Variants in AFF3 observed in about 807,000 individuals in gnomAD.
The protein encoded by AFF3 is ALF transcription elongation factor 3.
A neutral mutation model predicts 129.7 loss-of-function variants in AFF3; 32 were observed. That is an observed-to-expected ratio of 0.25 (90% confidence interval 0.19 to 0.33). AFF3 has a LOEUF of 0.33. Ranked by LOEUF, AFF3 falls within the 10% of genes least tolerant of loss-of-function variation. The pLI is 1.00. For missense variants in AFF3, 1,373 were observed against 1,592.0 expected, an observed-to-expected ratio of 0.86 and a Z score of 2.34; for synonymous variants, 644 against 635.4, an observed-to-expected ratio of 1.01 and a Z score of -0.20.
rs200784821 is a variant in AFF3, at chr2:99,991,914, C to CA, written c.873+14717dup. Among the ~76,000 whole-genome samples the CA allele has an allele frequency of 1.7e-3, 236 of 140,082 alleles. 3 individuals carry two copies. Among genetic ancestry groups the CA allele is most frequent in the African/African-American group, 5.9e-3 (211 of 35,492 alleles). The allele number at this position is 140,082 out of a possible 152,430, so 91.9% of individuals were successfully genotyped here. A position where few individuals can be genotyped will look rare whatever the true frequency, so the allele number is the denominator to read the frequency against. ...CAAGATTTTGTCTCAAAAACAAAAACAAAAACAAAAAAACCCAAAAAACCT... is the reference window on the plus strand; with the variant it reads ...CAAGATTTTGTCTCAAAAACAAAAACAAAAAACAAAAAAACCCAAAAAACCT... On this transcript the variant is annotated intron_variant, in intron 7 of 24. Coordinates refer to ENST00000672756, the MANE Select transcript of AFF3 (RefSeq NM_001386135.1).
chr2:99,958,003 C>A (rs62149268), intron 7 of AFF3, among the ~76,000 whole-genome samples: 14,165 of 152,156 alleles, frequency 0.093, 906 homozygotes, highest in Non-Finnish European at 0.13. Flanking sequence ...GGCAGTTTTA[C>A]CCCTAGAATG....
At chr2:99,942,319 A>G (rs1298703840) in intron 7 of AFF3, among the ~76,000 whole-genome samples, 1 of 152,150 alleles carries the variant, frequency 6.6e-6, no homozygotes, top group Non-Finnish European at 1.5e-5. Flanking sequence ...GCAGTCTCCA[A>G]GGGCTACGTT....
At chr2:100,046,412 G>A (rs779358578) in intron 4 of AFF3, among the ~76,000 whole-genome samples, 10 of 152,140 alleles carry the variant, frequency 6.6e-5, no homozygotes, top group Non-Finnish European at 1.2e-4. Flanking sequence ...TAAGTGGTAG[G>A]TGTGAGGCTG....
In AFF3 at chr2:99,898,860, C is replaced by A. The variant is rs1361519253; in HGVS notation, c.874-61336G>T. On this transcript the variant is annotated intron_variant, in intron 7 of 24. Coordinates refer to ENST00000672756, the MANE Select transcript of AFF3 (RefSeq NM_001386135.1). The stretch of plus-strand genomic sequence containing the variant: ...ACTGCCTGGGGCTCTCTCGCTTTGG[C>A]CAACGCTGACTCCCACTTTGCCCTG... 5.3e-5 allele frequency among the ~76,000 whole-genome samples: 8 copies of A among 152,198 alleles called. 1 individual carries two copies. Among genetic ancestry groups the A allele is most frequent in the Admixed American group, 5.2e-4 (8 of 15,280 alleles).
At chr2:100,036,837 A>G (rs1430319550) in intron 4 of AFF3, among the ~76,000 whole-genome samples, 2 of 146,800 alleles carry the variant, frequency 1.4e-5, no homozygotes, top group African/African-American at 4.9e-5. Flanking sequence ...CCAAACAGAA[A>G]AAAAAAAAAA....
In AFF3 at chr2:99,919,098, C is replaced by T. The variant is rs573972360; in HGVS notation, c.874-81574G>A. Among the ~76,000 whole-genome samples the T allele has an allele frequency of 2.6e-5, 4 of 151,960 alleles. No individual in the cohort carries two copies. The East Asian group carries it at 7.7e-4, about 29-fold the overall frequency. On this transcript the variant is annotated intron_variant, in intron 7 of 24. Coordinates refer to ENST00000672756, the MANE Select transcript of AFF3 (RefSeq NM_001386135.1). ...GAATATAGACAATAATCATTAATTC[C>T]CCCCGGTAGTAGTACAGAATCATCT...
intron 7 of AFF3, among the ~76,000 whole-genome samples, chr2:99,975,341 A>C (rs1035331863): frequency 6.6e-6 from 1 of 152,206 alleles, no homozygotes; most frequent in Non-Finnish European, 1.5e-5. Flanking sequence ...AATCTATCAA[A>C]ATTATCTAAC....
rs533274753 is a variant in AFF3 at position 99,992,189 on chromosome 2, A to AT, written c.873+14442dup. Among the ~76,000 whole-genome samples, 69 of 151,988 alleles carry AT rather than the reference A, an allele frequency of 4.5e-4. No individual in the cohort carries two copies. The South Asian group carries it at 6.2e-3, about 14-fold the overall frequency. On this transcript the variant is annotated intron_variant, in intron 7 of 24. Coordinates refer to ENST00000672756, the MANE Select transcript of AFF3 (RefSeq NM_001386135.1). ...GAATGGTTTAATTAAAATTTTATTTATTTTTTTTACTTCTGCTAGCTATTT... is the reference window on the plus strand; with the variant it reads ...GAATGGTTTAATTAAAATTTTATTTATTTTTTTTTACTTCTGCTAGCTATTT...
intron 7 of AFF3, among the ~76,000 whole-genome samples, chr2:100,001,027 G>A (rs1295782097): frequency 2.0e-5 from 3 of 152,210 alleles, no homozygotes; most frequent in Non-Finnish European, 4.4e-5. Flanking sequence ...AGAAGCCCGG[G>A]GGTTCTTGAG....
chr2:99,817,406 A>G (rs1165712348), intron 8 of AFF3, among the ~76,000 whole-genome samples: 1 of 152,158 alleles, frequency 6.6e-6, no homozygotes, highest in East Asian at 1.9e-4. Context: ...ATCTCTCTTC[A>G]TATTTCAGAC....
At chr2:100,042,263 C>T (rs554292658) in intron 4 of AFF3, among the ~76,000 whole-genome samples, 127 of 152,316 alleles carry the variant, frequency 8.3e-4, no homozygotes, top group African/African-American at 2.9e-3. Context: ...CCACAGAGGG[C>T]CCTCCGCAGC....
At chr2:99,958,244 G>A (rs764721364) in intron 7 of AFF3, among the ~76,000 whole-genome samples, 8 of 152,260 alleles carry the variant, frequency 5.3e-5, no homozygotes, top group South Asian at 4.1e-4. Flanking sequence ...TGTAATTCCA[G>A]CACTTTGGGA....
chr2:99,725,134 C>A (rs1386878074), intron 11 of AFF3, among the ~76,000 whole-genome samples: 2 of 151,936 alleles, frequency 1.3e-5, no homozygotes, highest in Non-Finnish European at 2.9e-5. Context: ...CCATGCCCAG[C>A]TAATTTTTTT....
rs552409617 is a variant in AFF3 at position 99,699,341 on chromosome 2, G to A, written c.1092-26752C>T. Among the ~76,000 whole-genome samples, 6 of 152,240 alleles carry A rather than the reference G, an allele frequency of 3.9e-5. No homozygotes were observed. The East Asian group carries it at 1.2e-3, about 29-fold the overall frequency. On this transcript the variant is annotated intron_variant, in intron 11 of 24. Transcript: ENST00000672756. Reference sequence around the variant, plus strand: ...TCAGTTCAATTTCCTGGGCCACTGGGTCATGGGCAGGACATGAAAATGTAA... The same window carrying A: ...TCAGTTCAATTTCCTGGGCCACTGGATCATGGGCAGGACATGAAAATGTAA...
intron 24 of AFF3, among the ~76,000 whole-genome samples, chr2:99,553,249 T>C (rs916386091): frequency 6.6e-6 from 1 of 152,230 alleles, no homozygotes; most frequent in East Asian, 1.9e-4. Context: ...CCAGCTCCTC[T>C]AGCAAGCTCC....
At chr2:100,112,180 C>T (rs1364880913) in intron 2 of AFF3, among the ~76,000 whole-genome samples, 3 of 152,286 alleles carry the variant, frequency 2.0e-5, no homozygotes, top group Admixed American at 1.3e-4. Flanking sequence ...AGTCTTTGCT[C>T]AGTGGAATAC....
chr2:99,700,763 C>T (rs1399531550), intron 11 of AFF3, among the ~76,000 whole-genome samples: 3 of 152,192 alleles, frequency 2.0e-5, no homozygotes, highest in South Asian at 4.1e-4. Flanking sequence ...TGCAATTGTG[C>T]TGCAGAAGGA....
At chr2:99,788,193 A>C (rs1684945625) in intron 8 of AFF3, among the ~76,000 whole-genome samples, 1 of 152,338 alleles carries the variant, frequency 6.6e-6, no homozygotes, top group South Asian at 2.1e-4. Flanking sequence ...TGTATTTACT[A>C]CATTACACTA....
intron 7 of AFF3, among the ~76,000 whole-genome samples, chr2:99,867,405 G>A (rs551219839): frequency 6.6e-6 from 1 of 152,142 alleles, no homozygotes; most frequent in Non-Finnish European, 1.5e-5. Flanking sequence ...AGGAGGACAA[G>A]CTGAGGAGAA....
Sources: gnomAD v4.1 joint callset for allele counts (sites outside exome capture counted in the v4.1 genomes callset) on GRCh38, gnomAD v4.1.1 for gene constraint, MANE v1.5 for transcripts, NCBI Gene and HGNC (gene_info 2026-07-23, HGNC 2026-07-21) for gene names.